Variants in FBXL20 observed in about 807,000 individuals in gnomAD.
FBXL20 encodes F-box and leucine rich repeat protein 20, also known as F-box/LRR-repeat protein 20.
A neutral mutation model predicts 64.0 loss-of-function variants in FBXL20; 11 were observed. The observed-to-expected ratio is 0.17, with a 90% CI of 0.11 to 0.28. The LOEUF (loss-of-function observed/expected upper bound fraction) is 0.28, where lower values mean the gene tolerates loss of function less well. Among genes scored for constraint, FBXL20 ranks in the 10% least tolerant of loss-of-function variants. The pLI is 1.00. For missense variants in FBXL20, 303 were observed against 526.2 expected, an observed-to-expected ratio of 0.58 and a Z score of 4.15; for synonymous variants, 184 against 189.0, an observed-to-expected ratio of 0.97 and a Z score of 0.22.
chr17:39,361,574 G>T (rs1268943940), intron 1 of FBXL20, among the ~76,000 whole-genome samples: 1 of 151,990 alleles, frequency 6.6e-6, no homozygotes, highest in African/African-American at 2.4e-5. Context: ...GAGGCAGGTA[G>T]ATCATTAAGT....
chr17:39,351,339 CAAAA>C (rs375439559), intron 1 of FBXL20, among the ~76,000 whole-genome samples: 4 of 95,698 alleles, frequency 4.2e-5, no homozygotes, highest in Admixed American at 1.1e-4. Context: ...TCTGTCTCAC[CAAAA>C]AAAAAAAAAA....
chr17:39,285,638 G>C, intron 6 of FBXL20, 65 bp from the exon 7 acceptor site: 2 of 1,049,444 alleles, frequency 1.9e-6, no homozygotes, highest in African/African-American at 3.2e-5. Flanking sequence ...TGGTATATCA[G>C]ACACTGTTCT....
chr17:39,350,640 T>C (rs2047679411), intron 1 of FBXL20, among the ~76,000 whole-genome samples: 1 of 151,988 alleles, frequency 6.6e-6, no homozygotes, highest in Non-Finnish European at 1.5e-5. Flanking sequence ...CCTGGAACCA[T>C]TTGGGAAATG....
At chr17:39,266,772 T>A (rs2046795852) in intron 12 of FBXL20, among the ~76,000 whole-genome samples, 1 of 152,254 alleles carries the variant, frequency 6.6e-6, no homozygotes, top group Non-Finnish European at 1.5e-5. Context: ...CCACTCAGGC[T>A]ACATTTGAAC....
At chr17:39,262,823 T>C (rs61368704) in intron 14 of FBXL20, among the ~76,000 whole-genome samples, 117,293 of 151,282 alleles carry the variant, frequency 0.78, 46,134 homozygotes, top group South Asian at 0.92. Flanking sequence ...ACGGTGAAAC[T>C]CTGCCTCTAC....
intron 9 of FBXL20, among the ~76,000 whole-genome samples, chr17:39,275,608 G>A (rs2046883048): frequency 6.6e-6 from 1 of 151,506 alleles, no homozygotes; most frequent in Admixed American, 6.6e-5. Context: ...GTAGAGATGG[G>A]GTTTTTGGCC....
intron 6 of FBXL20, among the ~76,000 whole-genome samples, chr17:39,290,021 A>T (rs1200388716): frequency 1.3e-5 from 2 of 150,222 alleles, no homozygotes; most frequent in Non-Finnish European, 3.0e-5. Flanking sequence ...AAAAAAAAAA[A>T]AAAAAAATTC....
At chr17:39,392,103 C>T (rs2048139397) in intron 1 of FBXL20, among the ~76,000 whole-genome samples, 1 of 151,996 alleles carries the variant, frequency 6.6e-6, no homozygotes, top group Non-Finnish European at 1.5e-5. Flanking sequence ...CGCCACTGCA[C>T]TCTAGCCCAG....
At chr17:39,377,295 G>A (rs963209023) in intron 1 of FBXL20, among the ~76,000 whole-genome samples, 5 of 151,884 alleles carry the variant, frequency 3.3e-5, no homozygotes, top group South Asian at 4.2e-4. Flanking sequence ...GGACAGCTTC[G>A]ACTCCCTATG....
At chr17:39,263,890 T>C (rs968821119) in intron 14 of FBXL20, 9 of 230,070 alleles carry the variant, frequency 3.9e-5, no homozygotes, top group East Asian at 1.6e-4. Context: ...TTTTTTTTTT[T>C]CTTCAATCTG....
At chr17:39,308,591 G>A (rs1320828593) in intron 2 of FBXL20, among the ~76,000 whole-genome samples, 1 of 148,326 alleles carries the variant, frequency 6.7e-6, no homozygotes, top group African/African-American at 2.5e-5. Flanking sequence ...TTGAGACGGA[G>A]TCTTGCTCTG....
chr17:39,348,086 C>CT (rs3079636), intron 1 of FBXL20, among the ~76,000 whole-genome samples: 2,048 of 143,628 alleles, frequency 0.014, 24 homozygotes, highest in South Asian at 0.018. Context: ...TTGGGTTCGT[C>CT]TTTTTTTTTT....
chr17:39,265,290 T>A (rs868455213), intron 13 of FBXL20, 107 bp downstream of exon 13: 15 of 799,876 alleles, frequency 1.9e-5, no homozygotes, highest in East Asian at 1.1e-4. Context: ...TGAAGAAGCA[T>A]CCTTTCCTAA....
chr17:39,371,272 T>A (rs1015435266), intron 1 of FBXL20, among the ~76,000 whole-genome samples: 10 of 152,122 alleles, frequency 6.6e-5, no homozygotes, highest in Non-Finnish European at 1.2e-4. Context: ...ATAAAAAAAA[T>A]AACAAAAATA....
intron 14 of FBXL20, among the ~76,000 whole-genome samples, chr17:39,262,903 G>A (rs1363074127): frequency 6.6e-6 from 1 of 151,924 alleles, no homozygotes; most frequent in East Asian, 2.0e-4. Context: ...TGGGGAGGCT[G>A]AGTCAGGAGA....
At chr17:39,318,279 C>T (rs72825112) in intron 2 of FBXL20, among the ~76,000 whole-genome samples, 112 of 152,076 alleles carry the variant, frequency 7.4e-4, no homozygotes, top group Non-Finnish European at 1.3e-3. Flanking sequence ...TTGGAGTATG[C>T]CTAAAGAATG....
chr17:39,289,678 A>G (rs549949617), intron 6 of FBXL20, among the ~76,000 whole-genome samples: 6 of 151,674 alleles, frequency 4.0e-5, no homozygotes, highest in African/African-American at 1.5e-4. Flanking sequence ...AACCCAAACT[A>G]TAACAATACT....
chr17:39,275,254 C>A (rs985365908), intron 9 of FBXL20, among the ~76,000 whole-genome samples, 154 bp from the exon 10 acceptor site: 2 of 152,140 alleles, frequency 1.3e-5, no homozygotes, highest in African/African-American at 4.8e-5. Context: ...AAAATGAACA[C>A]ACGTTGTTTC....
chr17:39,356,244 A>G (rs1266655104), intron 1 of FBXL20, among the ~76,000 whole-genome samples: 1 of 149,824 alleles, frequency 6.7e-6, no homozygotes, highest in Non-Finnish European at 1.5e-5. Flanking sequence ...AAAGTTTTAT[A>G]GTTTTAGCTT....
Sources: gnomAD v4.1 joint callset for allele counts (sites outside exome capture counted in the v4.1 genomes callset) on GRCh38, gnomAD v4.1.1 for gene constraint, MANE v1.5 for transcripts, NCBI Gene and HGNC (gene_info 2026-07-23, HGNC 2026-07-21) for gene names.